The following MAGI1 variants were observed in gnomAD, a reference collection of about 807,000 sequenced individuals.
MAGI1 encodes membrane-associated guanylate kinase, WW and PDZ domain-containing protein 1.
MAGI1 carries 58 observed loss-of-function variants against 139.9 expected under a neutral mutation model. That is an observed-to-expected ratio of 0.41 (90% CI 0.34 to 0.52). The LOEUF (loss-of-function observed/expected upper bound fraction) is 0.52, where lower values mean the gene tolerates loss of function less well. Ranked by LOEUF, MAGI1 falls within the 20% of genes least tolerant of loss-of-function variation. MAGI1 has a pLI of 0.12. For missense variants in MAGI1, 1,874 were observed against 1,901.6 expected (o/e 0.99, Z 0.27); for synonymous variants, 812 against 737.9 (o/e 1.10, Z -1.63).
chr3:65,637,266 T>C (rs62244998), intron 1 of MAGI1, among the ~76,000 whole-genome samples: 25,210 of 151,992 alleles, frequency 0.17, 2,759 homozygotes, highest in Non-Finnish European at 0.25. Context: ...AAAAAAAATA[T>C]TGCAAGCTGG....
intron 1 of MAGI1, among the ~76,000 whole-genome samples, chr3:65,783,763 G>T (rs1046806472): frequency 6.9e-6 from 1 of 145,250 alleles, no homozygotes; most frequent in African/African-American, 2.5e-5. Flanking sequence ...CTCTCAAAGT[G>T]CTGAGATTAC....
At chr3:65,715,537 C>T (rs2032130002) in intron 1 of MAGI1, among the ~76,000 whole-genome samples, 1 of 152,176 alleles carries the variant, frequency 6.6e-6, no homozygotes, top group Non-Finnish European at 1.5e-5. Context: ...ACATTGCTTT[C>T]CTCTCTGATT....
In MAGI1 at chr3:65,752,480, T is replaced by C. The variant is rs139825402; in HGVS notation, c.314-130392A>G. 2.5e-3 allele frequency among the ~76,000 whole-genome samples: 387 copies of C among 152,350 alleles called. 3 individuals carry two copies. The highest frequency in any genetic ancestry group is 8.8e-3 in the African/African-American group (365 of 41,596). ...ATGTCAAAATTAATGACATAATTAA[T>C]CCAAAATGGTTGTTCTCCACAAAAC... On this transcript the variant is annotated intron_variant, in intron 1 of 22. Coordinates refer to ENST00000402939, the MANE Select transcript of MAGI1 (RefSeq NM_001033057.2).
At chr3:65,430,486 C>A (rs181036568) in intron 11 of MAGI1, among the ~76,000 whole-genome samples, 7 of 152,142 alleles carry the variant, frequency 4.6e-5, no homozygotes, top group African/African-American at 1.7e-4. Flanking sequence ...GTTTCCCAAA[C>A]TTAAAATGAC....
At chr3:65,674,045 C>A (rs1006284131) in intron 1 of MAGI1, among the ~76,000 whole-genome samples, 1 of 152,090 alleles carries the variant, frequency 6.6e-6, no homozygotes, top group Non-Finnish European at 1.5e-5. Context: ...TCAGGACCAG[C>A]CTGGGGAACA....
chr3:65,433,724 T>C (rs575377369), intron 10 of MAGI1, among the ~76,000 whole-genome samples: 5 of 152,224 alleles, frequency 3.3e-5, no homozygotes, highest in Admixed American at 1.3e-4. Context: ...CTGATCAGGA[T>C]GTTCTGGGTC....
intron 1 of MAGI1, among the ~76,000 whole-genome samples, chr3:65,627,148 C>T (rs918642197): frequency 1.6e-4 from 24 of 152,150 alleles, no homozygotes; most frequent in African/African-American, 5.6e-4. Flanking sequence ...TACACAAATA[C>T]TTACCATTGT....
At chr3:65,741,934 C>A (rs377440473) in intron 1 of MAGI1, among the ~76,000 whole-genome samples, 1 of 152,086 alleles carries the variant, frequency 6.6e-6, no homozygotes, top group South Asian at 2.1e-4. Context: ...GTGTCATGCC[C>A]GGAACTAGGT....
At chr3:65,529,936 T>C (rs1426201207) in intron 2 of MAGI1, among the ~76,000 whole-genome samples, 1 of 152,178 alleles carries the variant, frequency 6.6e-6, no homozygotes, top group African/African-American at 2.4e-5. Context: ...CATTAGCTGA[T>C]CTTGACCCTC....
At chr3:65,580,267 G>C (rs929948851) in intron 2 of MAGI1, among the ~76,000 whole-genome samples, 2 of 152,030 alleles carry the variant, frequency 1.3e-5, no homozygotes, top group South Asian at 4.2e-4. Context: ...TTTGAGATGA[G>C]ACTATATAAA....
chr3:65,405,170 G>A lies in MAGI1; in HGVS notation c.2168-3700C>T, dbSNP rs140769063. Among the ~76,000 whole-genome samples the A allele has an allele frequency of 6.8e-4, 104 of 152,274 alleles. 1 individual carries two copies. The East Asian group carries it at 0.015, about 22-fold the overall frequency. ...TGTTCAAAGTGTGATCTGCAGGAGC[G>A]AGAAAAGCTTGGGACTTGAGTATCT... is the stretch of plus-strand genomic sequence containing the variant. On this transcript the variant is annotated intron_variant, in intron 12 of 22. Transcript: ENST00000402939.
intron 1 of MAGI1, among the ~76,000 whole-genome samples, chr3:65,819,437 C>A (rs558585887): frequency 6.6e-6 from 1 of 152,272 alleles, no homozygotes; most frequent in South Asian, 2.1e-4. Context: ...TCACATTGGT[C>A]ATCCTAGTGA....
chr3:65,585,976 A>C (rs1322545955), intron 2 of MAGI1, among the ~76,000 whole-genome samples: 1 of 152,116 alleles, frequency 6.6e-6, no homozygotes, highest in Non-Finnish European at 1.5e-5. Flanking sequence ...GGGAGGCTGA[A>C]GCAGGAGGAT....
chr3:65,739,341 C>G (rs866024939), intron 1 of MAGI1, among the ~76,000 whole-genome samples: 1 of 152,190 alleles, frequency 6.6e-6, no homozygotes, highest in Non-Finnish European at 1.5e-5. Flanking sequence ...CTGGATCAGG[C>G]TTTGGCTTAA....
chr3:65,963,009 A>G (rs1334887387), intron 1 of MAGI1, among the ~76,000 whole-genome samples: 1 of 151,054 alleles, frequency 6.6e-6, no homozygotes, highest in Non-Finnish European at 1.5e-5. Context: ...CAATGAAGTA[A>G]TTTGTTCAGA....
At chr3:65,854,384 A>G (rs528876151) in intron 1 of MAGI1, among the ~76,000 whole-genome samples, 14 of 152,294 alleles carry the variant, frequency 9.2e-5, no homozygotes, top group Admixed American at 9.1e-4. Context: ...TTGCTGTCCC[A>G]GTAAATGTGA....
chr3:65,905,377 T>C (rs973247407), intron 1 of MAGI1, among the ~76,000 whole-genome samples: 12 of 152,204 alleles, frequency 7.9e-5, no homozygotes, highest in Admixed American at 2.6e-4. Flanking sequence ...TTACATTTCT[T>C]TTTCTTAGCC....
intron 1 of MAGI1, among the ~76,000 whole-genome samples, chr3:65,701,184 T>C (rs1371312039): frequency 1.5e-5 from 2 of 135,522 alleles, no homozygotes; most frequent in Non-Finnish European, 3.4e-5. Flanking sequence ...CCCAGTTTAC[T>C]AATGAAAAAA....
chr3:65,390,060 A>G (rs1943782327), intron 14 of MAGI1, among the ~76,000 whole-genome samples: 1 of 152,022 alleles, frequency 6.6e-6, no homozygotes, highest in Non-Finnish European at 1.5e-5. Flanking sequence ...TTCAGCATGC[A>G]CCTCGGCCGG....
Sources: gnomAD v4.1 joint callset for allele counts (sites outside exome capture counted in the v4.1 genomes callset) on GRCh38, gnomAD v4.1.1 for gene constraint, MANE v1.5 for transcripts, NCBI Gene and HGNC (gene_info 2026-07-23, HGNC 2026-07-21) for gene names.